Variants in PDE3A observed in about 807,000 individuals in gnomAD.
PDE3A encodes cGMP-inhibited 3',5'-cyclic phosphodiesterase 3A.
In PDE3A, 43 loss-of-function variants were observed where a neutral mutation model predicts 98.3. The observed-to-expected ratio is 0.44, with a 90% CI of 0.34 to 0.56. PDE3A has a LOEUF of 0.56. Among genes scored for constraint, PDE3A ranks in the 20% least tolerant of loss-of-function variants. The pLI, the probability that PDE3A is intolerant of heterozygous loss-of-function variation, is 0.01. For missense variants in PDE3A, 1,427 were observed against 1,440.7 expected (o/e 0.99, Z 0.15); for synonymous variants, 663 against 567.9 (o/e 1.17, Z -2.38).
At chr12:20,555,855 G>A (rs1942356736) in intron 1 of PDE3A, among the ~76,000 whole-genome samples, 1 of 152,042 alleles carries the variant, frequency 6.6e-6, no homozygotes, top group Admixed American at 6.5e-5. Flanking sequence ...GTCTACTTAG[G>A]AGTCATTGCT....
intron 10 of PDE3A, among the ~76,000 whole-genome samples, chr12:20,643,701 C>A (rs778724635): frequency 6.6e-6 from 1 of 151,968 alleles, no homozygotes; most frequent in African/African-American, 2.4e-5. Context: ...ACTGTCTTTA[C>A]CTCGTTTTTA....
At chr12:20,427,526 T>C (rs1944620723) in intron 1 of PDE3A, among the ~76,000 whole-genome samples, 1 of 152,298 alleles carries the variant, frequency 6.6e-6, no homozygotes, top group South Asian at 2.1e-4. Context: ...AGAATTCCTT[T>C]AAATTCATCT....
Position 20,552,861 on chromosome 12 carries a change from C to A in PDE3A, c.961-3799C>A. 2 of 1,613,834 alleles carry A rather than the reference C, an allele frequency of 1.2e-6. No homozygotes were observed. The highest frequency in any genetic ancestry group is 1.7e-6 in the Non-Finnish European group (2 of 1,179,816). On this transcript the variant is annotated intron_variant, in intron 1 of 15. Coordinates refer to ENST00000359062, the MANE Select transcript of PDE3A (RefSeq NM_000921.5). This position sits in a 1 kb window ranked among gnomAD's most constrained non-coding sequence, Gnocchi z 5.1. ...CGACCGTGTGCCAGCACAACGTGTG[C>A]AAGGACTGCCTGGACAGATCCTTTC...
At chr12:20,474,814 G>A (rs981735252) in intron 1 of PDE3A, among the ~76,000 whole-genome samples, 18 of 152,192 alleles carry the variant, frequency 1.2e-4, no homozygotes, top group African/African-American at 4.3e-4. Context: ...TCAGATAATC[G>A]GGGGAATCTC....
intron 2 of PDE3A, among the ~76,000 whole-genome samples, chr12:20,565,560 G>A (rs537897164): frequency 4.2e-4 from 64 of 152,046 alleles, no homozygotes; most frequent in Admixed American, 7.9e-4. Context: ...ATAGAGGTAG[G>A]TAAAGGTGAT....
At chr12:20,415,328 C>T in intron 1 of PDE3A, among the ~76,000 whole-genome samples, 1 of 151,900 alleles carries the variant, frequency 6.6e-6, no homozygotes, top group East Asian at 1.9e-4. Flanking sequence ...TTATTTTACC[C>T]CAAAACAAGG....
chr12:20,377,670 C>G (rs1420806960), intron 1 of PDE3A, among the ~76,000 whole-genome samples: 5 of 151,802 alleles, frequency 3.3e-5, no homozygotes, highest in Non-Finnish European at 5.9e-5. Context: ...TTGTACCACT[C>G]TAATAGTTGC....
intron 1 of PDE3A, among the ~76,000 whole-genome samples, chr12:20,537,019 G>A (rs1941766470): frequency 6.6e-6 from 1 of 151,908 alleles, no homozygotes; most frequent in African/African-American, 2.4e-5. Flanking sequence ...AAATTATAAA[G>A]GTCCTCATTT....
intron 1 of PDE3A, among the ~76,000 whole-genome samples, chr12:20,375,332 A>G (rs952442630): frequency 2.6e-5 from 4 of 151,988 alleles, no homozygotes; most frequent in African/African-American, 9.7e-5. Flanking sequence ...ATTTTTTATT[A>G]AAGGAGATTT....
intron 1 of PDE3A, among the ~76,000 whole-genome samples, chr12:20,401,135 G>A (rs1357616049): frequency 3.3e-5 from 5 of 151,900 alleles, no homozygotes; most frequent in Non-Finnish European, 5.9e-5. Context: ...CCTTCTTTCC[G>A]TTTTCTACTC....
At chr12:20,403,394 A>C (rs893467973) in intron 1 of PDE3A, among the ~76,000 whole-genome samples, 3 of 152,102 alleles carry the variant, frequency 2.0e-5, no homozygotes, top group African/African-American at 7.2e-5. Context: ...TTGCAGGGAG[A>C]GCACTTAACC....
Position 20,369,139 on chromosome 12 carries a change from G to T in PDE3A, c.-146G>T, listed in dbSNP as rs1244543162. 3.5e-6 allele frequency: 2 copies of T among 576,528 alleles called. No homozygotes were observed. Among genetic ancestry groups the T allele is most frequent in the Non-Finnish European group, 5.9e-6 (2 of 336,950 alleles). The allele number at this position is 576,528 out of a possible 1,614,324, so 35.7% of individuals were successfully genotyped here. On this transcript the variant is annotated 5_prime_UTR_variant, in exon 1 of 16. Transcript: ENST00000359062. ...AAGCTGAAACTTTCAGTGGATTGTGGGCCTGGGGAGAAGAAGGATTCCGAG... is the reference window on the plus strand; with the variant it reads ...AAGCTGAAACTTTCAGTGGATTGTGTGCCTGGGGAGAAGAAGGATTCCGAG...
intron 2 of PDE3A, among the ~76,000 whole-genome samples, chr12:20,591,478 C>G (rs1004323364): frequency 1.3e-5 from 2 of 152,196 alleles, no homozygotes; most frequent in African/African-American, 4.8e-5. Context: ...ATGGCTTGTT[C>G]CAGAATACAA....
intron 1 of PDE3A, among the ~76,000 whole-genome samples, chr12:20,447,860 G>A (rs1944982881): frequency 6.6e-6 from 1 of 152,164 alleles, no homozygotes; most frequent in South Asian, 2.1e-4. Context: ...TCTGAAGAGG[G>A]GGGCAGTCTT....
intron 1 of PDE3A, among the ~76,000 whole-genome samples, chr12:20,527,202 G>T (rs1056783159): frequency 6.6e-6 from 1 of 151,936 alleles, no homozygotes; most frequent in African/African-American, 2.4e-5. Context: ...GTGCCCGGCC[G>T]TGTTTTTTTG....
In PDE3A at chr12:20,635,167, T is replaced by C. The variant is rs113625966; in HGVS notation, c.2001+111T>C. 2.4e-3 allele frequency: 2,331 copies of C among 952,542 alleles called. 51 individuals are homozygous for C. In the African/African-American group the frequency reaches 0.034, roughly 14 times the overall value. The allele number at this position is 952,542 out of a possible 1,614,324, so 59.0% of individuals were successfully genotyped here. ...CAGGCAAGGTGGCTCACACCTGTAA[T>C]CCCAACATTTTGGGAGGACGAAGCG... On this transcript the variant is annotated intron_variant, in intron 8 of 15. Transcript: ENST00000359062.
chr12:20,545,279 A>G (rs77668562), intron 1 of PDE3A, among the ~76,000 whole-genome samples: 6,940 of 152,112 alleles, frequency 0.046, 530 homozygotes, highest in African/African-American at 0.16. Flanking sequence ...CTAAAGCAGT[A>G]TATAGGAAGA....
At chr12:20,374,620 C>T (rs1943537698) in intron 1 of PDE3A, among the ~76,000 whole-genome samples, 1 of 151,812 alleles carries the variant, frequency 6.6e-6, no homozygotes, top group African/African-American at 2.4e-5. Context: ...GAAATAATCT[C>T]TTCAGAGCGC....
intron 5 of PDE3A, among the ~76,000 whole-genome samples, chr12:20,629,523 C>A (rs1401317764): frequency 1.3e-5 from 2 of 152,144 alleles, no homozygotes; most frequent in African/African-American, 4.8e-5. Flanking sequence ...CCTGTTCCTG[C>A]TAAAACCTTC....
Sources: allele counts gnomAD v4.1 joint callset (sites outside exome capture counted in the v4.1 genomes callset), GRCh38; gene constraint gnomAD v4.1.1; non-coding constraint Gnocchi (gnomAD v3.1); transcripts MANE v1.5; gene names NCBI Gene and HGNC (gene_info 2026-07-23, HGNC 2026-07-21).